The following GBA2 variants were observed in gnomAD, a reference collection of about 807,000 sequenced individuals.
GBA2 encodes the protein non-lysosomal glucosylceramidase.
In GBA2, 79 loss-of-function variants were observed where a neutral mutation model predicts 112.9. That is an observed-to-expected ratio of 0.70 (90% CI 0.58 to 0.84). GBA2 has a LOEUF of 0.84. Among genes scored for constraint, GBA2 ranks in the 40% least tolerant of loss-of-function variants. The probability of loss-of-function intolerance (pLI) is 0.00; values close to 1 mark genes in which losing one functional copy is unlikely to be tolerated. For synonymous variants in GBA2, 403 were observed against 434.3 expected (o/e 0.93, Z 0.90); for missense variants, 1,043 against 1,190.0 (o/e 0.88, Z 1.82).
At chr9:35,738,488 T>G (rs1307242389) in intron 13 of GBA2, 38 bp downstream of exon 13, 2 of 1,589,326 alleles carry the variant, frequency 1.3e-6, no homozygotes, top group Non-Finnish European at 1.7e-6. Context: ...TTGCCCAGTT[T>G]CTCACCTCAG....
At chr9:35,743,220 A>C (rs774431826) in intron 3 of GBA2, 2 of 153,768 alleles carry the variant, frequency 1.3e-5, no homozygotes, top group Non-Finnish European at 2.9e-5. Context: ...TTAAGACCAC[A>C]AGCTCTTCAC....
In GBA2 at chr9:35,741,856, A is replaced by C; in HGVS notation, c.602T>G (p.Val201Gly). ...TVCLRREGQT[V>G]YQQVLSLERP... ...CTCCAGGGACAGGACTTGCTGGTAC[A>C]CAGTCTGCCCTTCCCGACGCAGGCA... Residue 201 changes from valine (V) to glycine (G), a missense_variant, in exon 4 of 17, where the codon GTG (valine) becomes GGG (glycine). Coordinates refer to ENST00000378103, the MANE Select transcript of GBA2 (RefSeq NM_020944.3). This position sits in a 1 kb window ranked among gnomAD's most constrained non-coding sequence, Gnocchi z 4.6. 1 of 1,614,036 alleles carries C rather than the reference A, an allele frequency of 6.2e-7. No homozygotes were observed. Among genetic ancestry groups the C allele is most frequent in the Non-Finnish European group, 8.5e-7 (1 of 1,179,902 alleles).
rs1388112552 is a variant in GBA2 at position 35,748,340 on chromosome 9, A to G, written c.359+6T>C. ...AAAGGCATTCTAGGCAATGGGGTCT[A>G]CTCACCTCAAGCCCATGCCTATATG... On this transcript the variant is annotated splice_donor_region_variant and intron_variant, in intron 1 of 16. Transcript: ENST00000378103. The G allele has an allele frequency of 1.2e-5, 18 of 1,546,894 alleles. No homozygotes were observed. The highest frequency in any genetic ancestry group is 6.8e-5 in the African/African-American group (5 of 73,220).
chr9:35,739,294 C>G, intron 10 of GBA2, 21 bp downstream of exon 10: 1 of 1,506,916 alleles, frequency 6.6e-7, no homozygotes, highest in South Asian at 1.1e-5. Flanking sequence ...AGGGCAGAAG[C>G]GGCACAAAAG....
chr9:35,741,772 T>C lies in GBA2; in HGVS notation c.686A>G (p.His229Arg), dbSNP rs989633952. The C allele has an allele frequency of 1.2e-6, 2 of 1,613,820 alleles. No individual in the cohort carries two copies. The highest frequency in any genetic ancestry group is 2.7e-5 in the African/African-American group (2 of 74,858). ...AGTCCAGGCTCGGGGATAGAGGGCA[T>C]GGTAGAAAGCAAAGTACCCACACAG... The part of the protein sequence containing the change: ...WGLCGYFAFY[H>R]ALYPRAWTVY... The change falls in exon 4 of 17, where the codon CAT (histidine) becomes CGT (arginine). Residue 229 changes from histidine (H) to arginine (R), a missense_variant. By Grantham distance (29) the His-to-Arg change is conservative. Transcript: ENST00000378103. This position sits in a 1 kb window ranked among gnomAD's most constrained non-coding sequence, Gnocchi z 4.6.
At chr9:35,747,517 G>A (rs896117520) in intron 1 of GBA2, among the ~76,000 whole-genome samples, 2 of 152,152 alleles carry the variant, frequency 1.3e-5, no homozygotes, top group African/African-American at 4.8e-5. Context: ...CACTGACTGG[G>A]GAAATGAAGG....
chr9:35,738,532 C>T lies in GBA2; in HGVS notation c.2048G>A (p.Gly683Asp), dbSNP rs1325276892. The change falls in exon 13 of 17, where the codon GGC becomes GAC. Residue 683 changes from glycine (G) to aspartate (D), a missense_variant. By Grantham distance (94) the Gly-to-Asp change is moderately conservative (BLOSUM62 -1). Coordinates refer to ENST00000378103, the MANE Select transcript of GBA2 (RefSeq NM_020944.3). ...GAAACCCCTACCCGCTAACCTGGGG[C>T]CTGTGGTCACCCATCCATCATAGGT... Reference protein sequence around the residue: ...DQTYDGWVTTGPSAYCGGLWL... With the variant: ...DQTYDGWVTTDPSAYCGGLWL... 1 of 1,610,970 alleles carries T rather than the reference C, an allele frequency of 6.2e-7. No homozygotes were observed. The highest frequency in any genetic ancestry group is 8.5e-7 in the Non-Finnish European group (1 of 1,177,042).
rs1165968544 is a variant in GBA2, at chr9:35,748,391, T to C, written c.314A>G (p.Asn105Ser). 19 of 1,614,128 alleles carry C rather than the reference T, an allele frequency of 1.2e-5. No individual in the cohort carries two copies. The highest frequency in any genetic ancestry group is 1.6e-5 in the Non-Finnish European group (19 of 1,179,944). ...TEKRKPFQAN[N>S]VSLSNMIKHI... is the part of the protein sequence containing the mutation. ...CTTTATCATGTTGCTTAGGGAGACG[T>C]TGTTAGCTTGAAAGGGTTTCCTCTT... The change falls in exon 1 of 17, where the codon AAC (asparagine) becomes AGC (serine). Residue 105 changes from asparagine (N) to serine (S), a missense_variant. Transcript: ENST00000378103.
In GBA2 at chr9:35,738,279, G is replaced by A; in HGVS notation, c.2150C>T (p.Ser717Phe). Reference sequence around the variant, plus strand: ...GGCTTCTTGGCCCCGGCTGAGGATAGAAGAAAACTTATCCTGGATGTCCTG... The same window carrying A: ...GGCTTCTTGGCCCCGGCTGAGGATAAAAGAAAACTTATCCTGGATGTCCTG... ...GAQDIQDKFS[S>F]ILSRGQEAYE... is the part of the protein sequence containing the mutation. Residue 717 changes from serine to phenylalanine, a missense_variant, in exon 14 of 17, where the codon TCT (serine) becomes TTT (phenylalanine). Ser to Phe is a radical substitution (Grantham distance 155). Transcript: ENST00000378103. The A allele has an allele frequency of 3.7e-6, 6 of 1,614,052 alleles. No individual in the cohort carries two copies. The highest frequency in any genetic ancestry group is 5.1e-6 in the Non-Finnish European group (6 of 1,179,930).
Position 35,736,957 on chromosome 9 carries a change from A to C in GBA2, c.*212T>G, listed in dbSNP as rs1042325861. On this transcript the variant is annotated 3_prime_UTR_variant, in exon 17 of 17. Transcript: ENST00000378103. The stretch of plus-strand genomic sequence containing the variant: ...ACTGACCTCCCTGAACATTTCACGC[A>C]GTCAGGGAACAGGTGAGGAAAGAAA... 9.9e-6 allele frequency: 8 copies of C among 807,442 alleles called. No individual in the cohort carries two copies. The African/African-American group carries it at 1.4e-4, about 14-fold the overall frequency. The allele number at this position is 807,442 out of a possible 1,614,324, so 50.0% of individuals were successfully genotyped here.
chr9:35,738,611 T>C lies in GBA2; in HGVS notation c.1969A>G (p.Lys657Glu), dbSNP rs753858360. ...VCLAVMESEM[K>E]FDKDHDGLIE... ...AGTCCATCATGGTCCTTGTCAAACT[T>C]CATTTCAGATTCCATCACAGCCTAG... Residue 657 changes from lysine (K) to glutamate (E), a missense_variant, in exon 13 of 17, where the codon AAG becomes GAG. Coordinates refer to ENST00000378103, the MANE Select transcript of GBA2 (RefSeq NM_020944.3). The C allele has an allele frequency of 3.7e-6, 6 of 1,613,708 alleles. No individual in the cohort carries two copies. The South Asian group carries it at 6.6e-5, about 18-fold the overall frequency.
In GBA2 at chr9:35,737,023, CCCATTTACTGG is replaced by C; in HGVS notation, c.*135_*145del. On this transcript the variant is annotated 3_prime_UTR_variant, in exon 17 of 17. Coordinates refer to ENST00000378103, the MANE Select transcript of GBA2 (RefSeq NM_020944.3). This position sits in a 1 kb window ranked among gnomAD's most constrained non-coding sequence, Gnocchi z 4.1. Reference sequence around the variant, plus strand: ...AATGCTGCCTAGGTCACCCTCAACCCCCATTTACTGGCACAATTGGGTGGAGAGAAGGGAAG... The same window carrying C: ...AATGCTGCCTAGGTCACCCTCAACCCCACAATTGGGTGGAGAGAAGGGAAG... 2 of 1,276,650 alleles carry C rather than the reference CCCATTTACTGG, an allele frequency of 1.6e-6. No individual in the cohort carries two copies. Among genetic ancestry groups the C allele is most frequent in the Non-Finnish European group, 2.1e-6 (2 of 939,366 alleles). The allele number at this position is 1,276,650 out of a possible 1,614,324, so 79.1% of individuals were successfully genotyped here.
Position 35,748,168 on chromosome 9 carries a change from A to C in GBA2, c.359+178T>G, listed in dbSNP as rs1014849375. On this transcript the variant is annotated intron_variant, in intron 1 of 16. Coordinates refer to ENST00000378103, the MANE Select transcript of GBA2 (RefSeq NM_020944.3). ...AACACTGGGAGGGAAGGGTGTTGCAAAGAGATGTGACCTGGTCTCACGGTC... is the reference window on the plus strand; with the variant it reads ...AACACTGGGAGGGAAGGGTGTTGCACAGAGATGTGACCTGGTCTCACGGTC... Among the ~76,000 whole-genome samples the C allele has an allele frequency of 4.6e-5, 7 of 152,300 alleles. No individual in the cohort carries two copies. In the East Asian group the frequency reaches 1.4e-3, roughly 29 times the overall value.
Position 35,739,704 on chromosome 9 carries a change from T to G in GBA2, c.1506A>C (p.Leu502=). Residue 502 remains leucine (L), a synonymous_variant, in exon 9 of 17, where the codon CTA becomes CTC. Transcript: ENST00000378103. ...TVWLEVLEDS[L]PEELGRNMCH... is the part of the protein sequence containing the mutation. ...ACATGTTTCTGCCCAGCTCCTCTGG[T>G]AGGGAGTCCTCAAGAACTTCCAGCC... is the stretch of plus-strand genomic sequence containing the variant. 6.2e-7 allele frequency: 1 copy of G among 1,613,866 alleles called. No homozygotes were observed. The highest frequency in any genetic ancestry group is 8.5e-7 in the Non-Finnish European group (1 of 1,179,778).
Position 35,738,039 on chromosome 9 carries a change from C to T in GBA2, c.2311G>A (p.Glu771Lys). 5 of 1,605,190 alleles carry T rather than the reference C, an allele frequency of 3.1e-6. No homozygotes were observed. Among genetic ancestry groups the T allele is most frequent in the Non-Finnish European group, 4.3e-6 (5 of 1,174,082 alleles). ...GGCTGCTCCTCCTCCTCTCTCACCT[C>T]AGTGTCTCCTTCTCCTAGGCCACAG... ...KACGLGEGDT[E>K]VFPTQHVVRA... The change falls in exon 15 of 17, where the codon GAG becomes AAG. Residue 771 changes from glutamate (E) to lysine (K), a missense_variant and splice_region_variant. Transcript: ENST00000378103.
In GBA2 at chr9:35,738,371, A is replaced by C; in HGVS notation, c.2058T>G (p.Ala686=). The change falls in exon 14 of 17, where the codon GCT becomes GCG. Residue 686 remains alanine, a synonymous_variant. Transcript: ENST00000378103. ...YDGWVTTGPS[A]YCGGLWLAAV... ...CTGCCAGCCACAGCCCTCCACAGTA[A>C]GCACTGATCAGGGACATGGGTTTGG... 6.2e-7 allele frequency: 1 copy of C among 1,613,924 alleles called. No homozygotes were observed. Among genetic ancestry groups the C allele is most frequent in the Non-Finnish European group, 8.5e-7 (1 of 1,179,866 alleles).
chr9:35,748,454 A>C lies in GBA2; in HGVS notation c.251T>G (p.Phe84Cys). Residue 84 changes from phenylalanine to cysteine, a missense_variant, in exon 1 of 17, where the codon TTT becomes TGT. Coordinates refer to ENST00000378103, the MANE Select transcript of GBA2 (RefSeq NM_020944.3). ...GKAMGYQVPPFGWRICLAHEF... is the reference protein window; with the variant it reads ...GKAMGYQVPPCGWRICLAHEF... ...ATGAGCCAGACAGATGCGCCAGCCA[A>C]AGGGAGGCACCTGGTAGCCCATAGC... The C allele has an allele frequency of 6.2e-7, 1 of 1,614,132 alleles. No homozygotes were observed. The highest frequency in any genetic ancestry group is 8.5e-7 in the Non-Finnish European group (1 of 1,179,992).
At chr9:35,745,197 A>G (rs1826912714) in intron 1 of GBA2, among the ~76,000 whole-genome samples, 1 of 151,734 alleles carries the variant, frequency 6.6e-6, no homozygotes, top group Non-Finnish European at 1.5e-5. Flanking sequence ...GTCTTGGCTC[A>G]CTGCAAACTC....
In GBA2 at chr9:35,737,598, G is replaced by A. The variant is rs1301030599; in HGVS notation, c.2505+150C>T. 6 of 1,564,368 alleles carry A rather than the reference G, an allele frequency of 3.8e-6. No homozygotes were observed. In the African/African-American group the frequency reaches 8.2e-5, roughly 21 times the overall value. ...ATGACCCACAGACAGAAGCCTGAAG[G>A]CAGGAGCTGGAATGCATACCAGGGA... On this transcript the variant is annotated intron_variant, in intron 16 of 16. Coordinates refer to ENST00000378103, the MANE Select transcript of GBA2 (RefSeq NM_020944.3). The surrounding 1 kb of genome is among the most constrained non-coding windows in gnomAD (Gnocchi z 4.1).
Sources: gnomAD v4.1 joint callset for allele counts (sites outside exome capture counted in the v4.1 genomes callset) on GRCh38, gnomAD v4.1.1 for gene constraint, Gnocchi (gnomAD v3.1) non-coding constraint, MANE v1.5 for transcripts, NCBI Gene and HGNC (gene_info 2026-07-23, HGNC 2026-07-21) for gene names.